The following ASAH1 variants were observed in gnomAD, a reference collection of about 807,000 sequenced individuals.
ASAH1 encodes the protein acid ceramidase.
Under a neutral mutation model 59.5 loss-of-function variants are expected in ASAH1, and 70 were observed. The ratio of observed to expected loss-of-function variants is 1.18; its 90% CI spans 0.97 to 1.43. ASAH1 has a LOEUF of 1.43. Ranked by LOEUF, ASAH1 falls within the 40% of genes most tolerant of loss-of-function variation. The pLI, the probability that ASAH1 is intolerant of heterozygous loss-of-function variation, is 0.00. For synonymous variants in ASAH1, 213 were observed against 166.5 expected, an observed-to-expected ratio of 1.28 and a Z score of -2.15; for missense variants, 660 against 482.5, an observed-to-expected ratio of 1.37 and a Z score of -3.45.
intron 1 of ASAH1, 88 bp downstream of exon 1, chr8:18,083,893 T>G: frequency 6.5e-7 from 1 of 1,538,126 alleles, no homozygotes; most frequent in Non-Finnish European, 8.7e-7. Flanking sequence ...GAGGTGTTCC[T>G]TGTACCCGCT....
intron 5 of ASAH1, 118 bp downstream of exon 5, chr8:18,067,102 C>T: frequency 1.1e-6 from 1 of 928,274 alleles, no homozygotes; most frequent in Non-Finnish European, 1.5e-6. Flanking sequence ...AAGACCTGTG[C>T]ACCTGTGCTG....
rs372742726 is a variant in ASAH1 at position 18,059,515 on chromosome 8, A to C, written c.918-51T>G. 42 of 1,614,072 alleles carry C rather than the reference A, an allele frequency of 2.6e-5. No homozygotes were observed. The African/African-American group carries it at 4.8e-4, about 18-fold the overall frequency. Reference sequence around the variant, plus strand: ...CTTAGGCTACATGCCTTAAAACTCAAAGTATATCAGTGTATGCTTTTGTTT... The same window carrying C: ...CTTAGGCTACATGCCTTAAAACTCACAGTATATCAGTGTATGCTTTTGTTT... On this transcript the variant is annotated intron_variant, in intron 11 of 13. Transcript: ENST00000637790.
rs1799753035 is a variant in ASAH1 at position 18,062,609 on chromosome 8, GTCAGGTAAC to G, written c.504-195_504-187del. 16 of 649,170 alleles carry G rather than the reference GTCAGGTAAC, an allele frequency of 2.5e-5. No homozygotes were observed. In the South Asian group the frequency reaches 3.0e-4, roughly 12 times the overall value. The allele number at this position is 649,170 out of a possible 1,614,324, so 40.2% of individuals were successfully genotyped here. A position where few individuals can be genotyped will look rare whatever the true frequency, so the allele number is the denominator to read the frequency against. ...AATGATAAAATTGAGGTTCAGAGAA[GTCAGGTAAC>G]TCTCTCAATATCACACAGCTTATAA... On this transcript the variant is annotated intron_variant, in intron 7 of 13. Coordinates refer to ENST00000637790, the MANE Select transcript of ASAH1 (RefSeq NM_177924.5).
Position 18,078,061 on chromosome 8 carries a change from T to C in ASAH1, c.79-2474A>G, listed in dbSNP as rs181807261. On this transcript the variant is annotated intron_variant, in intron 1 of 13. Coordinates refer to ENST00000637790, the MANE Select transcript of ASAH1 (RefSeq NM_177924.5). ...ATCAAACAGCTTCCCACAGAGATAA[T>C]AAAACCAATGCCTCAATTTAATTCC... is the stretch of plus-strand genomic sequence containing the variant. 3.9e-5 allele frequency among the ~76,000 whole-genome samples: 6 copies of C among 152,268 alleles called. No homozygotes were observed. The East Asian group carries it at 1.2e-3, about 29-fold the overall frequency.
chr8:18,059,837 C>G (rs10448130), intron 10 of ASAH1, 134 bp from the exon 11 acceptor site: 2 of 846,336 alleles, frequency 2.4e-6, no homozygotes, highest in African/African-American at 1.7e-5. Flanking sequence ...TAGGTACACA[C>G]GTGCCATGGT....
chr8:18,067,050 A>G (rs993814532), intron 5 of ASAH1, 170 bp downstream of exon 5: 2 of 264,810 alleles, frequency 7.6e-6, no homozygotes, highest in Non-Finnish European at 1.6e-5. Flanking sequence ...TCATGGCTAC[A>G]TGCATGCATG....
At position 18,057,497 on chromosome 8, in the gene ASAH1, T is replaced by G. The variant is rs374718391; in HGVS notation, c.*37A>C. On this transcript the variant is annotated 3_prime_UTR_variant, in exon 14 of 14. Transcript: ENST00000637790. The stretch of plus-strand genomic sequence containing the variant: ...CGGTCACATGGAGATGGTGTCTTCA[T>G]GTCTCAGAGGCCGCATTCTGTAGGC... 1.3e-6 allele frequency: 2 copies of G among 1,503,454 alleles called. No homozygotes were observed. The highest frequency in any genetic ancestry group is 1.8e-6 in the Non-Finnish European group (2 of 1,088,610). The allele number at this position is 1,503,454 out of a possible 1,614,324, so 93.1% of individuals were successfully genotyped here.
chr8:18,066,971 C>T, intron 5 of ASAH1: 1 of 410,158 alleles, frequency 2.4e-6, no homozygotes, highest in East Asian at 3.5e-5. Context: ...CTGGAGGAGG[C>T]AGTATTTTCT....
chr8:18,080,553 C>T (rs1437998950), intron 1 of ASAH1, among the ~76,000 whole-genome samples: 1 of 152,038 alleles, frequency 6.6e-6, no homozygotes, highest in Non-Finnish European at 1.5e-5. Flanking sequence ...CACTTACTCT[C>T]CTATTTTTTT....
Position 18,057,504 on chromosome 8 carries a change from G to T in ASAH1, c.*30C>A, listed in dbSNP as rs568755414. The T allele has an allele frequency of 2.0e-6, 3 of 1,537,898 alleles. No homozygotes were observed. Among genetic ancestry groups the T allele is most frequent in the Non-Finnish European group, 2.7e-6 (3 of 1,118,196 alleles). The stretch of plus-strand genomic sequence containing the variant: ...ATGGAGATGGTGTCTTCATGTCTCA[G>T]AGGCCGCATTCTGTAGGCCAGACGT... On this transcript the variant is annotated 3_prime_UTR_variant, in exon 14 of 14. Transcript: ENST00000637790.
In ASAH1 at chr8:18,078,341, C is replaced by A. The variant is rs959526295; in HGVS notation, c.79-2754G>T. On this transcript the variant is annotated intron_variant, in intron 1 of 13. Transcript: ENST00000637790. ...AGGTAAGAACTAAAGAGCAAGCTAG[C>A]AACAATACATGTGGAGTGAGTCTGA... Among the ~76,000 whole-genome samples, 3 of 152,268 alleles carry A rather than the reference C, an allele frequency of 2.0e-5. No individual in the cohort carries two copies. The South Asian group carries it at 6.2e-4, about 32-fold the overall frequency.
At chr8:18,067,410 TATA>T (rs1799979123) in intron 4 of ASAH1, 112 bp from the exon 5 acceptor site, 2 of 662,302 alleles carry the variant, frequency 3.0e-6, no homozygotes, top group Non-Finnish European at 4.3e-6. Context: ...TTCTTGGACA[TATA>T]ATTTTTTCTA....
At position 18,057,516 on chromosome 8, in the gene ASAH1, T is replaced by C; in HGVS notation, c.*18A>G. On this transcript the variant is annotated 3_prime_UTR_variant, in exon 14 of 14. Coordinates refer to ENST00000637790, the MANE Select transcript of ASAH1 (RefSeq NM_177924.5). ...TCTTCATGTCTCAGAGGCCGCATTCTGTAGGCCAGACGTGTGCTCACCAAC... is the reference window on the plus strand; with the variant it reads ...TCTTCATGTCTCAGAGGCCGCATTCCGTAGGCCAGACGTGTGCTCACCAAC... The C allele has an allele frequency of 6.3e-7, 1 of 1,576,378 alleles. No individual in the cohort carries two copies. The highest frequency in any genetic ancestry group is 1.1e-5 in the South Asian group (1 of 90,542).
At chr8:18,084,500 T>C (rs1430474129), upstream of ASAH1, 19 of 1,332,076 alleles carry the variant, frequency 1.4e-5, no homozygotes, top group Admixed American at 3.8e-4. Flanking sequence ...ATCCAAAGAG[T>C]CTCAACACTA....
intron 13 of ASAH1, 135 bp downstream of exon 13, chr8:18,058,700 A>AT: frequency 1.3e-6 from 1 of 785,250 alleles, no homozygotes; most frequent in Non-Finnish European, 2.1e-6. Flanking sequence ...ACACAAAAAC[A>AT]TTTTTTAATA....
At chr8:18,062,130 C>T in intron 8 of ASAH1, 149 bp downstream of exon 8, 1 of 1,054,136 alleles carries the variant, frequency 9.5e-7, no homozygotes. Context: ...ACCACGAGAT[C>T]TCATACCTAT....
upstream of ASAH1, chr8:18,084,195 C>A: frequency 6.5e-7 from 1 of 1,528,492 alleles, no homozygotes; most frequent in Non-Finnish European, 8.7e-7. Context: ...AGGGGGAACG[C>A]TCGGAGGAGG....
At chr8:18,068,810 T>C (rs751727131) in intron 4 of ASAH1, 8 of 152,268 alleles carry the variant, frequency 5.3e-5, no homozygotes, top group East Asian at 1.9e-4. Context: ...TCCTGGAATG[T>C]AGACAAGCCC....
intron 2 of ASAH1, among the ~76,000 whole-genome samples, chr8:18,071,925 T>A (rs1271258469): frequency 6.6e-6 from 1 of 152,210 alleles, no homozygotes; most frequent in African/African-American, 2.4e-5. Flanking sequence ...CTGTCAGCCA[T>A]CCTAATCTTC....
Sources: gnomAD v4.1 joint callset for allele counts (sites outside exome capture counted in the v4.1 genomes callset) on GRCh38, gnomAD v4.1.1 for gene constraint, MANE v1.5 for transcripts, NCBI Gene and HGNC (gene_info 2026-07-23, HGNC 2026-07-21) for gene names.